Variants in UBE2W observed in about 807,000 individuals in gnomAD.
UBE2W encodes ubiquitin-conjugating enzyme E2 W.
Under a neutral mutation model 27.2 loss-of-function variants are expected in UBE2W, and 18 were observed. The observed-to-expected ratio is 0.66, with a 90% CI of 0.46 to 0.98. The LOEUF (loss-of-function observed/expected upper bound fraction) is 0.98, where lower values mean the gene tolerates loss of function less well. UBE2W is among the 50% of genes least tolerant of loss of function. The pLI is 0.00. For synonymous variants in UBE2W, 53 were observed against 57.2 expected (o/e 0.93, Z 0.33); for missense variants, 90 against 180.2 (o/e 0.50, Z 2.87).
chr8:73,816,167 T>C (rs1334836427), intron 3 of UBE2W, among the ~76,000 whole-genome samples: 4 of 152,184 alleles, frequency 2.6e-5, no homozygotes, highest in African/African-American at 9.7e-5. Flanking sequence ...ACAAAATTAT[T>C]GGACACAACG....
chr8:73,802,013 T>C (rs932398894), intron 5 of UBE2W, among the ~76,000 whole-genome samples: 1 of 152,178 alleles, frequency 6.6e-6, no homozygotes, highest in African/African-American at 2.4e-5. Flanking sequence ...CATGTAGAGG[T>C]AACAGATGGC....
Position 73,787,189 on chromosome 8 carries a change from C to A in UBE2W, c.*6913G>T. 2.0e-6 allele frequency: 2 copies of A among 985,410 alleles called. No individual in the cohort carries two copies. Among genetic ancestry groups the A allele is most frequent in the Non-Finnish European group, 2.4e-6 (2 of 829,924 alleles). 61.0% of individuals were successfully genotyped at this position (985,410 alleles called of 1,614,324 possible). A position where few individuals can be genotyped will look rare whatever the true frequency, so the allele number is the denominator to read the frequency against. On this transcript the variant is annotated 3_prime_UTR_variant, in exon 6 of 6. Transcript: ENST00000602593. Reference sequence around the variant, plus strand: ...CTAAAAAAATGGTTGAAAGGGGCTCCCAACAGGACAGATAACCACAGTGGC... The same window carrying A: ...CTAAAAAAATGGTTGAAAGGGGCTCACAACAGGACAGATAACCACAGTGGC...
chr8:73,855,501 A>G (rs539575310), intron 1 of UBE2W, among the ~76,000 whole-genome samples: 70 of 147,936 alleles, frequency 4.7e-4, no homozygotes, highest in Non-Finnish European at 9.9e-4. Context: ...TCACGGGTTC[A>G]AGCAATTGTC....
At chr8:73,824,797 G>A (rs966849825) in intron 3 of UBE2W, among the ~76,000 whole-genome samples, 1 of 152,230 alleles carries the variant, frequency 6.6e-6, no homozygotes, top group African/African-American at 2.4e-5. Flanking sequence ...AGGCAGTAAT[G>A]CTGCTCACCT....
At chr8:73,877,720 C>G (rs997022609) in intron 1 of UBE2W, among the ~76,000 whole-genome samples, 2 of 152,172 alleles carry the variant, frequency 1.3e-5, no homozygotes, top group African/African-American at 2.4e-5. Flanking sequence ...TCCTATTGAG[C>G]GTTCTACTTT....
At chr8:73,837,661 C>CT (rs759635877) in intron 1 of UBE2W, among the ~76,000 whole-genome samples, 2 of 152,244 alleles carry the variant, frequency 1.3e-5, no homozygotes, top group East Asian at 1.9e-4. Context: ...GCTGTGCTGC[C>CT]TGGCCTGGTC....
At chr8:73,856,009 C>A (rs907365262) in intron 1 of UBE2W, among the ~76,000 whole-genome samples, 1 of 152,068 alleles carries the variant, frequency 6.6e-6, no homozygotes, top group Non-Finnish European at 1.5e-5. Flanking sequence ...TTTATATTCT[C>A]ATTATGTTTT....
rs761560669 is a variant in UBE2W, at chr8:73,830,441, T to C, written c.47A>G (p.Gln16Arg). 1 of 1,613,970 alleles carries C rather than the reference T, an allele frequency of 6.2e-7. No homozygotes were observed. The highest frequency in any genetic ancestry group is 8.5e-7 in the Non-Finnish European group (1 of 1,179,832). Reference protein sequence around the residue: ...KRLQKELLALQNDPPPGMTLN... With the variant: ...KRLQKELLALRNDPPPGMTLN... Reference sequence around the variant, plus strand: ...GGTCATTCCAGGAGGTGGGTCATTTTGCAAAGCCAACAGTTCTTTCTGTAG... The same window carrying C: ...GGTCATTCCAGGAGGTGGGTCATTTCGCAAAGCCAACAGTTCTTTCTGTAG... The change falls in exon 2 of 6, where the codon CAA (glutamine) becomes CGA (arginine). Residue 16 changes from glutamine (Q) to arginine (R), a missense_variant. Gln to Arg is a conservative substitution (Grantham distance 43, BLOSUM62 1). Transcript: ENST00000602593.
chr8:73,808,718 T>G (rs1000273069), intron 4 of UBE2W, among the ~76,000 whole-genome samples: 2 of 152,208 alleles, frequency 1.3e-5, no homozygotes, highest in Non-Finnish European at 1.5e-5. Flanking sequence ...GATTTCTGTA[T>G]TATCATCTTG....
rs144051092 is a variant in UBE2W at position 73,867,061 on chromosome 8, C to T, written c.15+11747G>A. 3.5e-3 allele frequency among the ~76,000 whole-genome samples: 527 copies of T among 151,256 alleles called. 2 individuals are homozygous for T. Among genetic ancestry groups the T allele is most frequent in the African/African-American group, 0.012 (490 of 41,222 alleles). Reference sequence around the variant, plus strand: ...GTAATAAATAATGTCTAATAAAGGACATGTAGTCTAAATATATAAAGAATT... The same window carrying T: ...GTAATAAATAATGTCTAATAAAGGATATGTAGTCTAAATATATAAAGAATT... On this transcript the variant is annotated intron_variant, in intron 1 of 5. Coordinates refer to ENST00000602593, the MANE Select transcript of UBE2W (RefSeq NM_018299.6).
At chr8:73,864,110 A>G (rs1484175632) in intron 1 of UBE2W, among the ~76,000 whole-genome samples, 2 of 152,164 alleles carry the variant, frequency 1.3e-5, no homozygotes, top group East Asian at 3.9e-4. Flanking sequence ...AAATCAAAAT[A>G]CAGCTGGGCA....
intron 1 of UBE2W, among the ~76,000 whole-genome samples, chr8:73,832,908 G>A (rs549036469): frequency 3.9e-5 from 6 of 152,110 alleles, no homozygotes; most frequent in Admixed American, 2.0e-4. Context: ...CCCATAGTTC[G>A]GCTGGGCGTT....
chr8:73,787,774 A>C lies in UBE2W; in HGVS notation c.*6328T>G. The C allele has an allele frequency of 1.0e-6, 1 of 985,470 alleles. No individual in the cohort carries two copies. The highest frequency in any genetic ancestry group is 1.7e-5 in the African/African-American group (1 of 57,380). 61.0% of individuals were successfully genotyped at this position (985,470 alleles called of 1,614,324 possible). ...CCAGAAAGCATCCAGAAGTTCTTAG[A>C]GTATGCCCTTAATTGTACAACTTGA... On this transcript the variant is annotated 3_prime_UTR_variant, in exon 6 of 6. Transcript: ENST00000602593.
chr8:73,861,372 A>T (rs1811527852), intron 1 of UBE2W, among the ~76,000 whole-genome samples: 1 of 152,194 alleles, frequency 6.6e-6, no homozygotes, highest in Non-Finnish European at 1.5e-5. Context: ...ACCCCAATGA[A>T]GGGCAAAAAG....
intron 3 of UBE2W, among the ~76,000 whole-genome samples, chr8:73,820,816 C>A (rs907516316): frequency 6.6e-6 from 1 of 151,700 alleles, no homozygotes; most frequent in African/African-American, 2.4e-5. Flanking sequence ...CCAGGCATGG[C>A]GGCAGATGGC....
At chr8:73,866,290 A>AAAAAAAAT (rs1248216873) in intron 1 of UBE2W, among the ~76,000 whole-genome samples, 4 of 43,092 alleles carry the variant, frequency 9.3e-5, no homozygotes, top group African/African-American at 4.0e-4. Context: ...AAAAAAAAAA[A>AAAAAAAAT]ATATATATAT....
intron 3 of UBE2W, among the ~76,000 whole-genome samples, chr8:73,822,602 C>CAAAAAAAAAAAAAAAAAA (rs67427702): frequency 2.0e-5 from 1 of 51,218 alleles, no homozygotes; most frequent in Non-Finnish European, 3.6e-5. Context: ...CTTGCAACTG[C>CAAAAAAAAAAAAAAAAAA]AAAAAAAAAA....
intron 1 of UBE2W, among the ~76,000 whole-genome samples, chr8:73,856,030 T>C (rs1811284105): frequency 6.6e-6 from 1 of 152,222 alleles, no homozygotes; most frequent in African/African-American, 2.4e-5. Context: ...AGTACTTTTC[T>C]ATATTACCTT....
At position 73,790,776 on chromosome 8, in the gene UBE2W, A is replaced by G; in HGVS notation, c.*3326T>C. On this transcript the variant is annotated 3_prime_UTR_variant, in exon 6 of 6. Transcript: ENST00000602593. ...TGATTACCAGAAACAAGTAATATGT[A>G]GTTACATAACCATTTTCATATCACT... The G allele has an allele frequency of 1.0e-6, 1 of 979,356 alleles. No homozygotes were observed. The highest frequency in any genetic ancestry group is 1.2e-6 in the Non-Finnish European group (1 of 824,464). 60.7% of individuals were successfully genotyped at this position (979,356 alleles called of 1,614,324 possible).
Sources: gnomAD v4.1 joint callset for allele counts (sites outside exome capture counted in the v4.1 genomes callset) on GRCh38, gnomAD v4.1.1 for gene constraint, MANE v1.5 for transcripts, NCBI Gene and HGNC (gene_info 2026-07-23, HGNC 2026-07-21) for gene names.